AGBL1: variants seen among roughly 807,000 people sequenced by gnomAD.
AGBL1 encodes AGBL carboxypeptidase 1.
Under a neutral mutation model 118.9 loss-of-function variants are expected in AGBL1, and 130 were observed. The ratio of observed to expected loss-of-function variants is 1.09; its 90% CI spans 0.95 to 1.26. AGBL1 has a LOEUF of 1.26. AGBL1 is among the 50% of genes most tolerant of loss of function. The pLI, the probability that AGBL1 is intolerant of heterozygous loss-of-function variation, is 0.00. For synonymous variants in AGBL1, 555 were observed against 478.9 expected (o/e 1.16, Z -2.08); for missense variants, 1,584 against 1,298.1 (o/e 1.22, Z -3.38).
intron 21 of AGBL1, among the ~76,000 whole-genome samples, chr15:86,611,259 C>T (rs2084649872): frequency 6.6e-6 from 1 of 152,148 alleles, no homozygotes; most frequent in Non-Finnish European, 1.5e-5. Context: ...ACTTCTGTGA[C>T]ACTTTAAATT....
chr15:86,999,435 C>T (rs1346674952), intron 24 of AGBL1, among the ~76,000 whole-genome samples: 3 of 147,702 alleles, frequency 2.0e-5, no homozygotes, highest in Non-Finnish European at 3.0e-5. Context: ...TGTGATCTCA[C>T]TGTTCAGTTC....
chr15:86,390,249 A>C (rs2081255889), intron 17 of AGBL1, among the ~76,000 whole-genome samples: 1 of 152,206 alleles, frequency 6.6e-6, no homozygotes, highest in African/African-American at 2.4e-5. Flanking sequence ...CCTAAAAATA[A>C]AGAATTGACA....
At chr15:86,576,252 G>A (rs749870312) in intron 21 of AGBL1, among the ~76,000 whole-genome samples, 19 of 152,130 alleles carry the variant, frequency 1.2e-4, no homozygotes, top group Admixed American at 3.3e-4. Flanking sequence ...TTAGAGTGTT[G>A]TTAAAAGAAA....
intron 17 of AGBL1, among the ~76,000 whole-genome samples, chr15:86,370,985 A>G (rs1175609481): frequency 6.6e-6 from 1 of 152,178 alleles, no homozygotes; most frequent in African/African-American, 2.4e-5. Flanking sequence ...TGCTCAAGCT[A>G]TAGACCTGAC....
chr15:86,406,253 GAACCTACTGTC>G (rs755637658), intron 18 of AGBL1, among the ~76,000 whole-genome samples: 7 of 152,282 alleles, frequency 4.6e-5, no homozygotes, highest in Non-Finnish European at 1.0e-4. Flanking sequence ...CTCATTGGCA[GAACCTACTGTC>G]AACTGTCAAG....
At chr15:86,950,498 G>T (rs907940655) in intron 23 of AGBL1, among the ~76,000 whole-genome samples, 1 of 149,266 alleles carries the variant, frequency 6.7e-6, no homozygotes, top group Admixed American at 6.7e-5. Context: ...GGACAGAAAA[G>T]CAGTAACCAA....
chr15:86,670,600 GAC>G (rs9302341), intron 21 of AGBL1, among the ~76,000 whole-genome samples: 2,997 of 133,224 alleles, frequency 0.022, 53 homozygotes, highest in Middle Eastern at 0.032. Flanking sequence ...GTGAAACTCT[GAC>G]ACACACACAC....
chr15:86,617,162 TAAAGG>T (rs2084740426), intron 21 of AGBL1, among the ~76,000 whole-genome samples: 1 of 152,222 alleles, frequency 6.6e-6, no homozygotes, highest in Non-Finnish European at 1.5e-5. Context: ...TTGCATTCTA[TAAAGG>T]GTCCTGCTTT....
intron 21 of AGBL1, among the ~76,000 whole-genome samples, chr15:86,655,121 T>A (rs2085441671): frequency 6.6e-6 from 1 of 152,198 alleles, no homozygotes; most frequent in Non-Finnish European, 1.5e-5. Flanking sequence ...CAGATGCATC[T>A]GGTGGGACAA....
chr15:86,416,021 T>C (rs2081689320), intron 18 of AGBL1, among the ~76,000 whole-genome samples: 1 of 152,232 alleles, frequency 6.6e-6, no homozygotes. Flanking sequence ...AGGCTATTAC[T>C]GCATTTTCTG....
chr15:86,700,095 A>G (rs4887499), intron 22 of AGBL1, among the ~76,000 whole-genome samples: 69,300 of 151,604 alleles, frequency 0.46, 16,473 homozygotes, highest in East Asian at 0.76. Flanking sequence ...TATGGATTCA[A>G]GGATTACTCT....
chr15:86,643,649 GTAAT>G (rs891719363), intron 21 of AGBL1, among the ~76,000 whole-genome samples: 1 of 151,950 alleles, frequency 6.6e-6, no homozygotes, highest in Non-Finnish European at 1.5e-5. Context: ...ATATTTTTCA[GTAAT>G]TAGTTTGACA....
chr15:86,890,010 C>T lies in AGBL1; in HGVS notation c.3159-17077C>T, dbSNP rs138615908. On this transcript the variant is annotated intron_variant, in intron 22 of 22. Transcript: ENST00000614907. ...ATGGTTGAACTAATTTGTAGTCCCA[C>T]CAACAGTGTAAAAGTGTTCCTTTTT... 2.6e-5 allele frequency among the ~76,000 whole-genome samples: 4 copies of T among 152,264 alleles called. No homozygotes were observed. The East Asian group carries it at 7.7e-4, about 29-fold the overall frequency.
chr15:86,215,408 C>T (rs1405643286), intron 5 of AGBL1, among the ~76,000 whole-genome samples: 3 of 152,152 alleles, frequency 2.0e-5, no homozygotes, highest in Non-Finnish European at 4.4e-5. Flanking sequence ...TTTGGTTCTT[C>T]ACTTTCTTTT....
At chr15:86,517,225 T>C (rs1434924365) in intron 18 of AGBL1, among the ~76,000 whole-genome samples, 4 of 152,336 alleles carry the variant, frequency 2.6e-5, no homozygotes, top group Middle Eastern at 3.4e-3. Context: ...CTTTATAAAG[T>C]AATAATTCCT....
chr15:86,192,704 C>G (rs1397207937), intron 5 of AGBL1, among the ~76,000 whole-genome samples: 2 of 152,016 alleles, frequency 1.3e-5, no homozygotes, highest in Non-Finnish European at 2.9e-5. Flanking sequence ...AACCATAGTG[C>G]CTGTTCATGA....
chr15:86,452,656 A>G lies in AGBL1; in HGVS notation c.2555+55110A>G, dbSNP rs1434174493. On this transcript the variant is annotated intron_variant, in intron 18 of 22. Coordinates refer to ENST00000614907, the MANE Select transcript of AGBL1 (RefSeq NM_001386094.1). Reference sequence around the variant, plus strand: ...AAGCTCTCAACACAGAAGTACTTCAATGGCTCCAACTCAGTGATGGTAAAC... The same window carrying G: ...AAGCTCTCAACACAGAAGTACTTCAGTGGCTCCAACTCAGTGATGGTAAAC... Among the ~76,000 whole-genome samples the G allele has an allele frequency of 2.6e-5, 4 of 152,168 alleles. No individual in the cohort carries two copies. In the South Asian group the frequency reaches 6.2e-4, roughly 24 times the overall value.
At position 86,340,932 on chromosome 15, in the gene AGBL1, G is replaced by T. The variant is rs145804716; in HGVS notation, c.2374+45524G>T. On this transcript the variant is annotated intron_variant, in intron 17 of 22. Transcript: ENST00000614907. ...GGTGCAGACCACTACTCCTCACGTG[G>T]TGTCTTCTGACACCTCATTATTACT... Among the ~76,000 whole-genome samples, 4 of 152,270 alleles carry T rather than the reference G, an allele frequency of 2.6e-5. No individual in the cohort carries two copies. The East Asian group carries it at 7.8e-4, about 30-fold the overall frequency.
At chr15:86,114,036 T>C (rs150580942) in intron 1 of AGBL1, among the ~76,000 whole-genome samples, 57 of 152,336 alleles carry the variant, frequency 3.7e-4, no homozygotes, top group African/African-American at 1.3e-3. Context: ...AAATAAAATA[T>C]GTGAGTTACC....
Sources: gnomAD v4.1 joint callset for allele counts (sites outside exome capture counted in the v4.1 genomes callset) on GRCh38, gnomAD v4.1.1 for gene constraint, MANE v1.5 for transcripts, NCBI Gene and HGNC (gene_info 2026-07-23, HGNC 2026-07-21) for gene names.